Variants in FAT3 observed in about 807,000 individuals in gnomAD.
FAT3 encodes the protein FAT atypical cadherin 3.
A neutral mutation model predicts 310.2 loss-of-function variants in FAT3; 95 were observed. The observed-to-expected ratio is 0.31, with a 90% confidence interval of 0.26 to 0.36. The LOEUF (loss-of-function observed/expected upper bound fraction) is 0.36. Among genes scored for constraint, FAT3 ranks in the 10% least tolerant of loss-of-function variants. The probability of loss-of-function intolerance (pLI) is 1.00; values close to 1 mark genes in which losing one functional copy is unlikely to be tolerated. For missense variants in FAT3, 5,408 were observed against 5,715.6 expected (o/e 0.95, Z 1.74); for synonymous variants, 2,314 against 2,192.9 (o/e 1.06, Z -1.54).
intron 3 of FAT3, among the ~76,000 whole-genome samples, chr11:92,550,288 A>G (rs1954764613): frequency 1.3e-5 from 2 of 152,228 alleles, no homozygotes; most frequent in Admixed American, 1.3e-4. Flanking sequence ...GTTTAAAGAA[A>G]TAGAACACCA....
chr11:92,747,800 A>G (rs1450364773), intron 4 of FAT3, among the ~76,000 whole-genome samples: 5 of 152,156 alleles, frequency 3.3e-5, no homozygotes, highest in African/African-American at 1.2e-4. Context: ...AGCAAGAGTG[A>G]CTTCTACTCC....
chr11:92,829,409 G>T (rs1172090977), intron 13 of FAT3, among the ~76,000 whole-genome samples: 1 of 152,144 alleles, frequency 6.6e-6, no homozygotes, highest in African/African-American at 2.4e-5. Context: ...TATGTCAATC[G>T]CTGATGTGTT....
chr11:92,267,071 G>GCCTTGCCTGTCACA (rs1945981962), intron 1 of FAT3, among the ~76,000 whole-genome samples: 1 of 116,336 alleles, frequency 8.6e-6, no homozygotes, highest in South Asian at 2.6e-4. Context: ...TGCCTGTCAC[G>GCCTTGCCTGTCACA]CGGGTGTAGC....
In FAT3 at chr11:92,685,029, G is replaced by A. The variant is rs1416496158; in HGVS notation, c.3608-12355G>A. Reference sequence around the variant, plus strand: ...CTTATCCTCCATCTTGATATGTATCGTGGGGTGCTTGGTGGACCTACAGAA... The same window carrying A: ...CTTATCCTCCATCTTGATATGTATCATGGGGTGCTTGGTGGACCTACAGAA... On this transcript the variant is annotated intron_variant, in intron 3 of 27. Coordinates refer to ENST00000525166, the MANE Select transcript of FAT3 (RefSeq NM_001367949.2). Among the ~76,000 whole-genome samples, 6 of 152,182 alleles carry A rather than the reference G, an allele frequency of 3.9e-5. No homozygotes were observed. The East Asian group carries it at 1.2e-3, about 29-fold the overall frequency.
intron 2 of FAT3, among the ~76,000 whole-genome samples, chr11:92,391,787 C>T (rs1460645047): frequency 6.6e-6 from 1 of 152,100 alleles, no homozygotes; most frequent in Non-Finnish European, 1.5e-5. Flanking sequence ...TCTAAATTAG[C>T]ATGACAGTGG....
chr11:92,412,718 T>TACAC (rs1473897509), intron 2 of FAT3, among the ~76,000 whole-genome samples: 1,165 of 27,884 alleles, frequency 0.042, 167 homozygotes, highest in Middle Eastern at 0.075. Context: ...TATATATATA[T>TACAC]ATATATATAT....
At chr11:92,336,911 T>C (rs1948100763) in intron 1 of FAT3, among the ~76,000 whole-genome samples, 2 of 152,180 alleles carry the variant, frequency 1.3e-5, no homozygotes, top group African/African-American at 2.4e-5. Flanking sequence ...TTTTAAAATA[T>C]AATAGTATTA....
rs1248828938 is a variant in FAT3 at position 92,649,883 on chromosome 11, A to G, written c.3608-47501A>G. Among the ~76,000 whole-genome samples, 59 of 56,228 alleles carry G rather than the reference A, an allele frequency of 1.0e-3. 1 individual carries two copies. Among genetic ancestry groups the G allele is most frequent in the African/African-American group, 3.7e-3 (56 of 15,174 alleles). The allele number at this position is 56,228 out of a possible 152,430, so 36.9% of individuals were successfully genotyped here. ...ACCCACTTTGTATGTTCATATATAT[A>G]TATATATATATATATATATATATAT... On this transcript the variant is annotated intron_variant, in intron 3 of 27. Transcript: ENST00000525166.
intron 3 of FAT3, among the ~76,000 whole-genome samples, chr11:92,609,970 T>A (rs1940486258): frequency 6.6e-6 from 1 of 152,178 alleles, no homozygotes; most frequent in Admixed American, 6.5e-5. Flanking sequence ...AGAAATAAAT[T>A]CCCATTCAGG....
chr11:92,859,434 G>GT, intron 21 of FAT3, 112 bp downstream of exon 21: 5 of 1,139,788 alleles, frequency 4.4e-6, no homozygotes, highest in East Asian at 2.7e-5. Context: ...AAGACCAGAA[G>GT]CAGACTTCTG....
At chr11:92,382,486 C>T (rs1205417057) in intron 2 of FAT3, among the ~76,000 whole-genome samples, 2 of 152,124 alleles carry the variant, frequency 1.3e-5, no homozygotes, top group Admixed American at 1.3e-4. Flanking sequence ...CTTTCCTTTC[C>T]TGACGGGAGA....
At chr11:92,679,478 T>C (rs1007414783) in intron 3 of FAT3, among the ~76,000 whole-genome samples, 3 of 152,148 alleles carry the variant, frequency 2.0e-5, no homozygotes, top group Non-Finnish European at 1.5e-5. Flanking sequence ...TTTTTGTTTT[T>C]TTAATAATAG....
At chr11:92,350,354 A>T (rs78168920) in intron 1 of FAT3, among the ~76,000 whole-genome samples, 355 of 97,738 alleles carry the variant, frequency 3.6e-3, no homozygotes, top group African/African-American at 0.012. Context: ...TCCTGTAGGG[A>T]TTTTTTTTTT....
At chr11:92,668,445 A>G (rs1943023997) in intron 3 of FAT3, among the ~76,000 whole-genome samples, 1 of 152,208 alleles carries the variant, frequency 6.6e-6, no homozygotes, top group African/African-American at 2.4e-5. Context: ...AGATGGTTCC[A>G]ATTCACATGG....
intron 2 of FAT3, among the ~76,000 whole-genome samples, chr11:92,412,126 T>A (rs1266461666): frequency 6.6e-6 from 1 of 152,024 alleles, no homozygotes; most frequent in Non-Finnish European, 1.5e-5. Flanking sequence ...TTTTTTGAGA[T>A]GGAGTCTCGC....
chr11:92,659,229 C>T (rs1464526456), intron 3 of FAT3, among the ~76,000 whole-genome samples: 1 of 152,192 alleles, frequency 6.6e-6, no homozygotes, highest in Non-Finnish European at 1.5e-5. Context: ...CCGCAGCTCA[C>T]ATGAGTGGGG....
intron 2 of FAT3, among the ~76,000 whole-genome samples, chr11:92,399,765 C>T (rs1949967764): frequency 6.6e-6 from 1 of 152,188 alleles, no homozygotes; most frequent in Non-Finnish European, 1.5e-5. Flanking sequence ...TACCTTTTAA[C>T]AACCACTTAC....
intron 3 of FAT3, among the ~76,000 whole-genome samples, chr11:92,626,674 G>A (rs1396378296): frequency 1.3e-5 from 2 of 151,970 alleles, no homozygotes; most frequent in Admixed American, 1.3e-4. Flanking sequence ...AAATGGAGAG[G>A]GTTTTCATGA....
chr11:92,302,642 C>T (rs904297657), intron 1 of FAT3, among the ~76,000 whole-genome samples: 6 of 152,132 alleles, frequency 3.9e-5, no homozygotes, highest in South Asian at 2.1e-4. Context: ...CATTTATAAA[C>T]ATTTTTTTTT....
Sources: allele counts gnomAD v4.1 joint callset (sites outside exome capture counted in the v4.1 genomes callset), GRCh38; gene constraint gnomAD v4.1.1; transcripts MANE v1.5; gene names NCBI Gene and HGNC (gene_info 2026-07-23, HGNC 2026-07-21).